Variants in CNTLN observed in about 807,000 individuals in gnomAD.
CNTLN encodes the protein centlein, also known as centlein, centrosomal protein.
Under a neutral mutation model 180.0 loss-of-function variants are expected in CNTLN, and 212 were observed. The observed-to-expected ratio is 1.18, with a 90% CI of 1.05 to 1.32. The LOEUF is 1.32. CNTLN is among the 40% of genes most tolerant of loss of function. The probability of loss-of-function intolerance (pLI) is 0.00; values close to 1 mark genes in which losing one functional copy is unlikely to be tolerated. For synonymous variants in CNTLN, 722 were observed against 563.1 expected (o/e 1.28, Z -3.99); for missense variants, 2,095 against 1,610.9 (o/e 1.30, Z -5.14).
intron 18 of CNTLN, among the ~76,000 whole-genome samples, chr9:17,452,792 A>G (rs2134125281): frequency 6.6e-6 from 1 of 152,272 alleles, no homozygotes; most frequent in African/African-American, 2.4e-5. Flanking sequence ...CAGTTTGTGA[A>G]TGAAATCCCA....
intron 2 of CNTLN, among the ~76,000 whole-genome samples, chr9:17,199,203 CTTTTTT>C (rs763632027): frequency 2.7e-5 from 2 of 73,806 alleles, no homozygotes; most frequent in African/African-American, 4.7e-5. Flanking sequence ...TGTTTCTTGA[CTTTTTT>C]TTTTTTTTTT....
chr9:17,321,882 C>A (rs117227858), intron 8 of CNTLN, among the ~76,000 whole-genome samples: 13 of 151,990 alleles, frequency 8.6e-5, no homozygotes, highest in African/African-American at 2.7e-4. Flanking sequence ...CAATCTTATA[C>A]TTTCTCTAGG....
chr9:17,449,335 G>T (rs1588023167), intron 18 of CNTLN, among the ~76,000 whole-genome samples: 1 of 129,092 alleles, frequency 7.7e-6, no homozygotes, highest in Non-Finnish European at 1.6e-5. Context: ...TGATCTCATT[G>T]TTCAATTCCC....
At chr9:17,184,654 C>A (rs1238873353) in intron 2 of CNTLN, among the ~76,000 whole-genome samples, 2 of 152,122 alleles carry the variant, frequency 1.3e-5, no homozygotes, top group East Asian at 1.9e-4. Context: ...GAATTGGCTT[C>A]ATTAGTGTTC....
In CNTLN at chr9:17,151,115, C is replaced by T. The variant is rs1044491429; in HGVS notation, c.449+7739C>T. On this transcript the variant is annotated intron_variant, in intron 2 of 25. Coordinates refer to ENST00000380647, the MANE Select transcript of CNTLN (RefSeq NM_017738.4). The stretch of plus-strand genomic sequence containing the variant: ...AAACAGAGACAAATTGACTTCCTCT[C>T]TTCCTATTTGGATACCCTTTATTGC... 2.0e-5 allele frequency among the ~76,000 whole-genome samples: 3 copies of T among 152,276 alleles called. No homozygotes were observed. In the Middle Eastern group the frequency reaches 0.01, roughly 518 times the overall value.
intron 5 of CNTLN, among the ~76,000 whole-genome samples, chr9:17,251,678 A>G (rs1474941463): frequency 2.6e-5 from 4 of 151,902 alleles, no homozygotes; most frequent in African/African-American, 7.2e-5. Flanking sequence ...ATAATTTGTA[A>G]TGATGAAGTC....
At position 17,359,717 on chromosome 9, in the gene CNTLN, TAAAAATACAAAAAA is replaced by T. The variant is rs1360483429; in HGVS notation, c.1887-6894_1887-6881del. Among the ~76,000 whole-genome samples the T allele has an allele frequency of 5.9e-4, 8 of 13,478 alleles. 2 individuals carry two copies. The South Asian group carries it at 9.1e-3, about 15-fold the overall frequency. The allele number at this position is 13,478 out of a possible 152,430, so 8.8% of individuals were successfully genotyped here. On this transcript the variant is annotated intron_variant, in intron 12 of 25. Coordinates refer to ENST00000380647, the MANE Select transcript of CNTLN (RefSeq NM_017738.4). ...TAACACGGTGAAACTCCGTCTATAC[TAAAAATACAAAAAA>T]AAAAAAAAAAAAAAAAAAACTAGCT...
chr9:17,165,415 A>G (rs1586975666), intron 2 of CNTLN, among the ~76,000 whole-genome samples: 1 of 152,322 alleles, frequency 6.6e-6, no homozygotes, highest in East Asian at 1.9e-4. Flanking sequence ...AGTAAATTCT[A>G]GAATGATGTA....
intron 2 of CNTLN, among the ~76,000 whole-genome samples, chr9:17,223,205 C>A (rs1277497096): frequency 6.6e-6 from 1 of 152,016 alleles, no homozygotes; most frequent in Non-Finnish European, 1.5e-5. Flanking sequence ...CAATTTAAAG[C>A]TTATGGATTG....
In CNTLN at chr9:17,236,706, A is replaced by T. The variant is rs184160780; in HGVS notation, c.849+118A>T. ...TTCATATCCACCAGTGGGGACTAGC[A>T]TTAATTTATATTCTTTCACTTAAGA... On this transcript the variant is annotated intron_variant, in intron 5 of 25. Transcript: ENST00000380647. 4.3e-4 allele frequency: 298 copies of T among 696,706 alleles called. 1 individual carries two copies. The highest frequency in any genetic ancestry group is 4.2e-4 in the Middle Eastern group (1 of 2,384). The allele number at this position is 696,706 out of a possible 1,614,324, so 43.2% of individuals were successfully genotyped here.
intron 24 of CNTLN, among the ~76,000 whole-genome samples, chr9:17,485,534 A>T (rs533248386): frequency 6.6e-6 from 1 of 152,254 alleles, no homozygotes; most frequent in South Asian, 2.1e-4. Context: ...TGTAAGACAC[A>T]TGGGAGTAAT....
In CNTLN at chr9:17,310,440, G is replaced by A. The variant is rs530222396; in HGVS notation, c.1341+1188G>A. Reference sequence around the variant, plus strand: ...ACTGTTTAAAAACATTCTATTATATGTGAGTATATCATAACTATTTTTACA... The same window carrying A: ...ACTGTTTAAAAACATTCTATTATATATGAGTATATCATAACTATTTTTACA... On this transcript the variant is annotated intron_variant, in intron 8 of 25. Coordinates refer to ENST00000380647, the MANE Select transcript of CNTLN (RefSeq NM_017738.4). 5.9e-5 allele frequency among the ~76,000 whole-genome samples: 9 copies of A among 152,260 alleles called. No homozygotes were observed. The East Asian group carries it at 1.3e-3, about 23-fold the overall frequency.
intron 20 of CNTLN, among the ~76,000 whole-genome samples, chr9:17,463,462 T>G (rs1831569879): frequency 6.6e-6 from 1 of 151,600 alleles, no homozygotes; most frequent in East Asian, 1.9e-4. Context: ...TACAAAGATT[T>G]TAAATGCTCT....
Position 17,135,049 on chromosome 9 carries a change from C to A in CNTLN, c.-17C>A, listed in dbSNP as rs750424178. On this transcript the variant is annotated 5_prime_UTR_variant, in exon 1 of 26. Coordinates refer to ENST00000380647, the MANE Select transcript of CNTLN (RefSeq NM_017738.4). ...GGAGTTTCCAACAGGGAACTTGACC[C>A]GTTAGCAGCCGCAGCCATGGCGGCG... 8 of 1,587,754 alleles carry A rather than the reference C, an allele frequency of 5.0e-6. No homozygotes were observed. Among genetic ancestry groups the A allele is most frequent in the Middle Eastern group, 2.2e-4 (1 of 4,472 alleles).
intron 24 of CNTLN, among the ~76,000 whole-genome samples, chr9:17,486,060 TA>T (rs1335266829): frequency 2.0e-5 from 3 of 152,104 alleles, no homozygotes; most frequent in Non-Finnish European, 4.4e-5. Context: ...ATAAGAGATA[TA>T]AACACACTGT....
intron 18 of CNTLN, among the ~76,000 whole-genome samples, chr9:17,422,344 G>C (rs888865507): frequency 6.6e-6 from 1 of 151,838 alleles, no homozygotes; most frequent in Non-Finnish European, 1.5e-5. Context: ...TGATTATTAA[G>C]TGCCTTGAGG....
intron 1 of CNTLN, among the ~76,000 whole-genome samples, chr9:17,142,164 T>C (rs112178815): frequency 0.055 from 8,327 of 151,390 alleles, 278 homozygotes; most frequent in East Asian, 0.17. Context: ...ACCCGGCTCA[T>C]AGGTGGGCCG....
chr9:17,487,203 A>G, intron 25 of CNTLN, 137 bp downstream of exon 25: 1 of 675,480 alleles, frequency 1.5e-6, no homozygotes, highest in South Asian at 1.7e-5. Context: ...TCCAATAGGT[A>G]GAAAGGAAAG....
chr9:17,190,186 C>T (rs1821708075), intron 2 of CNTLN, among the ~76,000 whole-genome samples: 2 of 149,528 alleles, frequency 1.3e-5, no homozygotes, highest in South Asian at 4.3e-4. Context: ...ATAGAACTTA[C>T]TTCATTAGTT....
Sources: gnomAD v4.1 joint callset for allele counts (sites outside exome capture counted in the v4.1 genomes callset) on GRCh38, gnomAD v4.1.1 for gene constraint, MANE v1.5 for transcripts, NCBI Gene and HGNC (gene_info 2026-07-23, HGNC 2026-07-21) for gene names.